The following SLC35D4 variants were observed in gnomAD, a reference collection of about 807,000 sequenced individuals.
SLC35D4 encodes the protein solute carrier family 35 member D4.
At chr18:23,393,638 G>GAT in the SLC35D4 span, among the ~76,000 whole-genome samples, 1 of 151,898 alleles carries the variant, frequency 6.6e-6, no homozygotes, top group South Asian at 2.1e-4. Context: ...ATTTTTTTGA[G>GAT]ATAGACTCTT....
At chr18:23,349,742 T>C in the SLC35D4 span, among the ~76,000 whole-genome samples, 7 of 152,282 alleles carry the variant, frequency 4.6e-5, no homozygotes, top group Admixed American at 4.6e-4. Context: ...TCACTTATTC[T>C]TTCTTCTGCC....
the SLC35D4 span, among the ~76,000 whole-genome samples, chr18:23,244,741 C>T: frequency 6.6e-6 from 1 of 152,248 alleles, no homozygotes; most frequent in Non-Finnish European, 1.5e-5. Flanking sequence ...CTTCCTTTCA[C>T]AGGCGTGGTG....
At chr18:23,262,642 T>C in the SLC35D4 span, among the ~76,000 whole-genome samples, 1 of 152,238 alleles carries the variant, frequency 6.6e-6, no homozygotes. Flanking sequence ...GTTCTCCAGA[T>C]GAGCCTCAAT....
chr18:23,416,766 G>T, the SLC35D4 span, among the ~76,000 whole-genome samples: 1 of 152,216 alleles, frequency 6.6e-6, no homozygotes, highest in South Asian at 2.1e-4. Context: ...TTAGCTAGGA[G>T]CTGAAAAGAA....
chr18:23,376,731 C>A, the SLC35D4 span: 12 of 453,824 alleles, frequency 2.6e-5, no homozygotes, highest in South Asian at 1.9e-4. Context: ...CAGAGATCAC[C>A]CCAAACAGAC....
chr18:23,274,999 G>A, the SLC35D4 span, among the ~76,000 whole-genome samples: 2 of 150,288 alleles, frequency 1.3e-5, no homozygotes, highest in South Asian at 2.2e-4. Flanking sequence ...GTGTGTGAGC[G>A]TGCTTGTGTA....
chr18:23,383,806 G>T, the SLC35D4 span, among the ~76,000 whole-genome samples: 1 of 152,214 alleles, frequency 6.6e-6, no homozygotes, highest in African/African-American at 2.4e-5. Flanking sequence ...TGGGCCCAGG[G>T]AAATAAGCCA....
the SLC35D4 span, among the ~76,000 whole-genome samples, chr18:23,301,951 C>G: frequency 6.6e-6 from 1 of 152,190 alleles, no homozygotes; most frequent in Admixed American, 6.5e-5. Flanking sequence ...GGCTGGATGA[C>G]AGCAGTTGTT....
At chr18:23,288,764 G>A in the SLC35D4 span, among the ~76,000 whole-genome samples, 70 of 152,218 alleles carry the variant, frequency 4.6e-4, no homozygotes, top group African/African-American at 1.1e-3. Flanking sequence ...ATAGCAGACC[G>A]GCCTTTATTA....
the SLC35D4 span, among the ~76,000 whole-genome samples, chr18:23,354,612 C>G: frequency 1.3e-5 from 2 of 151,944 alleles, no homozygotes; most frequent in Non-Finnish European, 2.9e-5. Context: ...CTCTTGGTGG[C>G]TCCCACCTCT....
At chr18:23,299,501 T>C in the SLC35D4 span, among the ~76,000 whole-genome samples, 3 of 152,220 alleles carry the variant, frequency 2.0e-5, no homozygotes, top group East Asian at 5.8e-4. Flanking sequence ...GCATCTCACT[T>C]GTGGAAGCCA....
At chr18:23,380,012 G>A in the SLC35D4 span, among the ~76,000 whole-genome samples, 3 of 152,084 alleles carry the variant, frequency 2.0e-5, no homozygotes, top group Non-Finnish European at 2.9e-5. Context: ...CAGGAGAATC[G>A]CTTAGAACCG....
At chr18:23,420,024 C>A in the SLC35D4 span, among the ~76,000 whole-genome samples, 1 of 152,074 alleles carries the variant, frequency 6.6e-6, no homozygotes, top group Admixed American at 6.6e-5. Context: ...AAGGGAATCG[C>A]CGGGCACAGT....
chr18:23,385,409 C>T, the SLC35D4 span, among the ~76,000 whole-genome samples: 11 of 152,230 alleles, frequency 7.2e-5, no homozygotes, highest in Non-Finnish European at 1.3e-4. Context: ...CCGCCCGGCA[C>T]ACGCAGAGCA....
chr18:23,309,149 C>A, the SLC35D4 span, among the ~76,000 whole-genome samples: 1 of 151,218 alleles, frequency 6.6e-6, no homozygotes, highest in Non-Finnish European at 1.5e-5. Flanking sequence ...CAGATGCAAC[C>A]ATTGCAGGCC....
chr18:23,260,800 G>A, the SLC35D4 span, among the ~76,000 whole-genome samples: 1 of 151,500 alleles, frequency 6.6e-6, no homozygotes, highest in African/African-American at 2.5e-5. Context: ...AGCAAGAGCA[G>A]GGAGTAAACT....
At chr18:23,383,487 C>T in the SLC35D4 span, among the ~76,000 whole-genome samples, 1 of 151,960 alleles carries the variant, frequency 6.6e-6, no homozygotes, top group Non-Finnish European at 1.5e-5. Flanking sequence ...GCCACCAGTG[C>T]CTTCAGCCAG....
the SLC35D4 span, among the ~76,000 whole-genome samples, chr18:23,409,933 C>T: frequency 1.3e-5 from 2 of 151,274 alleles, no homozygotes; most frequent in African/African-American, 2.4e-5. Flanking sequence ...AACAATACAG[C>T]GTAACTACTA....
At chr18:23,286,178 CAT>C in the SLC35D4 span, among the ~76,000 whole-genome samples, 1 of 152,188 alleles carries the variant, frequency 6.6e-6, no homozygotes, top group Non-Finnish European at 1.5e-5. Context: ...CAAACAGAAA[CAT>C]ATTTCTGAGT....
Sources: allele counts gnomAD v4.1 joint callset (sites outside exome capture counted in the v4.1 genomes callset), GRCh38; gene constraint gnomAD v4.1.1; transcripts MANE v1.5; gene names NCBI Gene and HGNC (gene_info 2026-07-23, HGNC 2026-07-21).